RSU1: variants seen among roughly 807,000 people sequenced by gnomAD.
The protein encoded by RSU1 is rsu-1.
In RSU1, 26 loss-of-function variants were observed where a neutral mutation model predicts 31.1. The observed-to-expected ratio is 0.84, with a 90% CI of 0.61 to 1.16. The LOEUF is 1.16. Among genes scored for constraint, RSU1 ranks in the 50% most tolerant of loss-of-function variants. RSU1 has a pLI of 0.00. For missense variants in RSU1, 320 were observed against 339.1 expected (o/e 0.94, Z 0.44); for synonymous variants, 164 against 136.3 (o/e 1.20, Z -1.41).
chr10:16,741,290 T>C (rs764200933), intron 7 of RSU1, among the ~76,000 whole-genome samples: 12 of 152,266 alleles, frequency 7.9e-5, no homozygotes, highest in Admixed American at 2.0e-4. Context: ...CCTTAGCTCA[T>C]ATCACATACA....
At chr10:16,600,072 C>A (rs7086787) in intron 8 of RSU1, among the ~76,000 whole-genome samples, 1 of 152,188 alleles carries the variant, frequency 6.6e-6, no homozygotes, top group East Asian at 1.9e-4. Context: ...AAACGAGAAA[C>A]CGCACTCTGA....
chr10:16,618,741 C>G (rs1834021827), intron 8 of RSU1, among the ~76,000 whole-genome samples: 1 of 152,174 alleles, frequency 6.6e-6, no homozygotes, highest in African/African-American at 2.4e-5. Flanking sequence ...GAAAACCAGA[C>G]ACCACATGCT....
In RSU1 at chr10:16,683,160, G is replaced by GGTGTGTGTGT. The variant is rs4012467; in HGVS notation, c.731+11853_731+11862dup. On this transcript the variant is annotated intron_variant, in intron 8 of 8. Coordinates refer to ENST00000345264, the MANE Select transcript of RSU1 (RefSeq NM_012425.4). Reference sequence around the variant, plus strand: ...AGCCTTAAGAGAGGAATGGGTGTGTGGTGTGTGTGTGTGTGTGTGTGTGTT... The same window carrying GGTGTGTGTGT: ...AGCCTTAAGAGAGGAATGGGTGTGTGGTGTGTGTGTGTGTGTGTGTGTGTGTGTGTGTGTT... 2.9e-4 allele frequency among the ~76,000 whole-genome samples: 42 copies of GGTGTGTGTGT among 143,450 alleles called. 1 individual carries two copies. The highest frequency in any genetic ancestry group is 2.5e-3 in the East Asian group (12 of 4,806). The allele number at this position is 143,450 out of a possible 152,430, so 94.1% of individuals were successfully genotyped here.
At chr10:16,612,749 T>C (rs1412039188) in intron 8 of RSU1, among the ~76,000 whole-genome samples, 1 of 152,212 alleles carries the variant, frequency 6.6e-6, no homozygotes, top group Non-Finnish European at 1.5e-5. Context: ...TCCAACTATG[T>C]TCGCTAGTCA....
At chr10:16,791,635 C>CAAAAAAAAA (rs553951655) in intron 2 of RSU1, among the ~76,000 whole-genome samples, 5 of 98,458 alleles carry the variant, frequency 5.1e-5, no homozygotes, top group African/African-American at 3.7e-5. Flanking sequence ...CTCAAAAAAA[C>CAAAAAAAAA]AAAAAAAAAA....
chr10:16,654,244 C>T (rs1407184524), intron 8 of RSU1, among the ~76,000 whole-genome samples: 2 of 150,576 alleles, frequency 1.3e-5, no homozygotes, highest in African/African-American at 4.9e-5. Flanking sequence ...CTCAGGTGAT[C>T]AGCTCACCTC....
intron 7 of RSU1, among the ~76,000 whole-genome samples, chr10:16,722,883 T>TATACATATATGTATATATACACAAAC (rs1836300960): frequency 6.7e-6 from 1 of 149,168 alleles, no homozygotes; most frequent in Non-Finnish European, 1.5e-5. Context: ...TATACACACA[T>TATACATATATGTATATATACACAAAC]ATACATATAT....
chr10:16,696,676 C>T (rs546517350), intron 7 of RSU1, among the ~76,000 whole-genome samples: 5 of 152,256 alleles, frequency 3.3e-5, no homozygotes, highest in African/African-American at 1.2e-4. Context: ...GGTTAAACAT[C>T]GTTAGTCAGA....
intron 8 of RSU1, among the ~76,000 whole-genome samples, chr10:16,673,818 A>C (rs1328621254): frequency 6.6e-6 from 1 of 152,222 alleles, no homozygotes; most frequent in Admixed American, 6.5e-5. Context: ...TTCAGAGATC[A>C]GGCTCTAAGT....
chr10:16,781,985 A>T, intron 3 of RSU1, 49 bp downstream of exon 3: 2 of 1,504,430 alleles, frequency 1.3e-6, no homozygotes, highest in South Asian at 2.3e-5. Context: ...GCAGTGCCAT[A>T]GGATTACCTA....
intron 2 of RSU1, among the ~76,000 whole-genome samples, chr10:16,799,520 AC>A (rs1588543826): frequency 1.3e-5 from 2 of 151,764 alleles, no homozygotes; most frequent in East Asian, 3.9e-4. Flanking sequence ...AACAACAACA[AC>A]AACAAAAACA....
In RSU1 at chr10:16,750,747, C is replaced by T. The variant is rs7923539; in HGVS notation, c.598+1792G>A. Among the ~76,000 whole-genome samples the T allele has an allele frequency of 8.7e-3, 1,322 of 152,194 alleles. 27 individuals are homozygous for T. Among genetic ancestry groups the T allele is most frequent in the African/African-American group, 0.031 (1,275 of 41,542 alleles). Reference sequence around the variant, plus strand: ...AAGTTATAGAAGAATTCACCTCACACATGGAGATTCTGATTTAGTAGGTTG... The same window carrying T: ...AAGTTATAGAAGAATTCACCTCACATATGGAGATTCTGATTTAGTAGGTTG... On this transcript the variant is annotated intron_variant, in intron 7 of 8. Transcript: ENST00000345264.
intron 8 of RSU1, among the ~76,000 whole-genome samples, chr10:16,679,980 C>A (rs1835299947): frequency 6.7e-6 from 1 of 148,540 alleles, no homozygotes; most frequent in Non-Finnish European, 1.5e-5. Flanking sequence ...CTCCCAGGTT[C>A]AAGCGATTCT....
At chr10:16,677,254 T>G (rs1564313024) in intron 8 of RSU1, among the ~76,000 whole-genome samples, 1 of 152,242 alleles carries the variant, frequency 6.6e-6, no homozygotes, top group African/African-American at 2.4e-5. Context: ...ACTTAAACGA[T>G]GACTGTCCGT....
At chr10:16,651,521 A>G (rs553531810) in intron 8 of RSU1, among the ~76,000 whole-genome samples, 61 of 152,356 alleles carry the variant, frequency 4.0e-4, no homozygotes, top group Admixed American at 1.2e-3. Context: ...ATGTTGTAGA[A>G]AAGACTTAGT....
chr10:16,623,086 C>T (rs1834097558), intron 8 of RSU1, among the ~76,000 whole-genome samples: 1 of 152,124 alleles, frequency 6.6e-6, no homozygotes, highest in South Asian at 2.1e-4. Flanking sequence ...AGATTTGTCA[C>T]CTGGACAAAA....
chr10:16,764,533 T>G (rs1274348657), intron 3 of RSU1, 23 bp from the exon 4 acceptor site: 2 of 1,605,108 alleles, frequency 1.2e-6, no homozygotes, highest in African/African-American at 2.7e-5. Context: ...AAATGCTGAG[T>G]GTGAATCTGG....
At position 16,605,160 on chromosome 10, in the gene RSU1, A is replaced by G. The variant is rs1261078803; in HGVS notation, c.732-11664T>C. Among the ~76,000 whole-genome samples the G allele has an allele frequency of 2.0e-5, 3 of 152,170 alleles. No homozygotes were observed. The East Asian group carries it at 5.8e-4, about 29-fold the overall frequency. ...TTAGGCCTTGTGTTCCTTGTAATCAAAGCAATGCTGGTCTTGATGAATACG... is the reference window on the plus strand; with the variant it reads ...TTAGGCCTTGTGTTCCTTGTAATCAGAGCAATGCTGGTCTTGATGAATACG... On this transcript the variant is annotated intron_variant, in intron 8 of 8. Coordinates refer to ENST00000345264, the MANE Select transcript of RSU1 (RefSeq NM_012425.4).
At chr10:16,763,646 C>T (rs1159953238) in intron 4 of RSU1, among the ~76,000 whole-genome samples, 1 of 152,092 alleles carries the variant, frequency 6.6e-6, no homozygotes, top group Non-Finnish European at 1.5e-5. Flanking sequence ...TCTGAAGGAG[C>T]CTTCAGACCC....
Sources: allele counts gnomAD v4.1 joint callset (sites outside exome capture counted in the v4.1 genomes callset), GRCh38; gene constraint gnomAD v4.1.1; transcripts MANE v1.5; gene names NCBI Gene and HGNC (gene_info 2026-07-23, HGNC 2026-07-21).